NALF1: variants seen among roughly 807,000 people sequenced by gnomAD.
The protein encoded by NALF1 is NALCN channel auxiliary factor 1.
Under a neutral mutation model 48.4 loss-of-function variants are expected in NALF1, and 3 were observed. The observed-to-expected ratio is 0.06, with a 90% CI of 0.03 to 0.16. The LOEUF (loss-of-function observed/expected upper bound fraction) is 0.16. NALF1 is among the 10% of genes least tolerant of loss of function. NALF1 has a pLI of 1.00. For missense variants in NALF1, 526 were observed against 571.5 expected (o/e 0.92, Z 0.81); for synonymous variants, 262 against 245.7 (o/e 1.07, Z -0.62).
chr13:107,203,723 G>A (rs1218408269), intron 2 of NALF1, among the ~76,000 whole-genome samples: 3 of 152,066 alleles, frequency 2.0e-5, no homozygotes, highest in Non-Finnish European at 2.9e-5. Flanking sequence ...CACTTCTCAG[G>A]GCTGATTGAA....
chr13:107,176,549 G>A (rs1878938952), intron 2 of NALF1, among the ~76,000 whole-genome samples: 1 of 151,972 alleles, frequency 6.6e-6, no homozygotes, highest in Non-Finnish European at 1.5e-5. Flanking sequence ...GGCTGAGGCA[G>A]GAGAATGGCG....
chr13:107,783,494 G>A (rs1347230929), intron 1 of NALF1, among the ~76,000 whole-genome samples: 3 of 152,168 alleles, frequency 2.0e-5, no homozygotes, highest in Non-Finnish European at 4.4e-5. Context: ...AGACATGGGA[G>A]ACTTTTCATT....
intron 1 of NALF1, among the ~76,000 whole-genome samples, chr13:107,799,324 A>G (rs1226219867): frequency 6.6e-6 from 1 of 152,224 alleles, no homozygotes; most frequent in Non-Finnish European, 1.5e-5. Flanking sequence ...AGGCTGGCTC[A>G]GCAGAAGATC....
chr13:107,555,836 T>A (rs938661710), intron 1 of NALF1, among the ~76,000 whole-genome samples: 1 of 152,006 alleles, frequency 6.6e-6, no homozygotes, highest in East Asian at 1.9e-4. Context: ...TTAGAAGAAA[T>A]TCTACCACCT....
chr13:107,387,520 A>T (rs993463703), intron 1 of NALF1, among the ~76,000 whole-genome samples: 8 of 152,202 alleles, frequency 5.3e-5, no homozygotes, highest in African/African-American at 1.9e-4. Flanking sequence ...CTGCTAGATT[A>T]AAAAGGAGTT....
chr13:107,664,451 C>A (rs1489443690), intron 1 of NALF1, among the ~76,000 whole-genome samples: 2 of 152,110 alleles, frequency 1.3e-5, no homozygotes, highest in African/African-American at 4.8e-5. Flanking sequence ...AGGTCGTGTC[C>A]CTCTTCTAAG....
At chr13:107,839,741 A>G (rs896519099) in intron 1 of NALF1, among the ~76,000 whole-genome samples, 2 of 152,094 alleles carry the variant, frequency 1.3e-5, no homozygotes, top group Non-Finnish European at 2.9e-5. Flanking sequence ...TTTGACCCAT[A>G]AAACATTTGG....
chr13:107,684,223 G>T (rs1881376126), intron 1 of NALF1, among the ~76,000 whole-genome samples: 1 of 152,168 alleles, frequency 6.6e-6, no homozygotes, highest in Admixed American at 6.5e-5. Context: ...AGGGTGCAGG[G>T]GAGCACCTCG....
chr13:107,835,165 T>C (rs1315265470), intron 1 of NALF1, among the ~76,000 whole-genome samples: 1 of 152,194 alleles, frequency 6.6e-6, no homozygotes. Flanking sequence ...TGTAAGGATA[T>C]AGTGTCTTCA....
intron 1 of NALF1, among the ~76,000 whole-genome samples, chr13:107,540,004 C>T (rs1876953996): frequency 6.7e-6 from 1 of 149,982 alleles, no homozygotes; most frequent in South Asian, 2.2e-4. Context: ...TCATTAAAAA[C>T]AAAACAAGAG....
intron 1 of NALF1, among the ~76,000 whole-genome samples, chr13:107,378,922 C>A (rs1387445752): frequency 1.3e-5 from 2 of 152,016 alleles, no homozygotes; most frequent in Admixed American, 1.3e-4. Flanking sequence ...TATCCTGAAA[C>A]ACAGAACAAT....
At chr13:107,238,528 T>G (rs1880400223) in intron 1 of NALF1, among the ~76,000 whole-genome samples, 1 of 152,134 alleles carries the variant, frequency 6.6e-6, no homozygotes, top group African/African-American at 2.4e-5. Context: ...ACAGTACCCA[T>G]TTAATCGAAG....
At chr13:107,581,175 A>G (rs910699431) in intron 1 of NALF1, among the ~76,000 whole-genome samples, 1 of 152,134 alleles carries the variant, frequency 6.6e-6, no homozygotes, top group South Asian at 2.1e-4. Flanking sequence ...CAAGCTGACC[A>G]CTGTTTCAAG....
At chr13:107,333,454 G>A (rs1292875207) in intron 1 of NALF1, among the ~76,000 whole-genome samples, 1 of 152,222 alleles carries the variant, frequency 6.6e-6, no homozygotes, top group African/African-American at 2.4e-5. Flanking sequence ...GCCCCAGCCA[G>A]CAGGGAGGGC....
intron 2 of NALF1, among the ~76,000 whole-genome samples, chr13:107,209,294 G>A (rs955350223): frequency 6.6e-6 from 1 of 152,138 alleles, no homozygotes; most frequent in Non-Finnish European, 1.5e-5. Flanking sequence ...ATCACTTGAG[G>A]TCAGGAGTTG....
chr13:107,482,505 T>C (rs111653663), intron 1 of NALF1, among the ~76,000 whole-genome samples: 80 of 152,218 alleles, frequency 5.3e-4, no homozygotes, highest in East Asian at 1.5e-3. Flanking sequence ...TTGGTGAGCA[T>C]TGGAATTAAA....
Position 107,170,381 on chromosome 13 carries a change from A to T in NALF1, c.*116T>A. On this transcript the variant is annotated 3_prime_UTR_variant, in exon 3 of 3. Transcript: ENST00000375915. ...GGCCCATCTGTTTAAATTTTACCCT[A>T]AAGGCCTTGCAATAAGTAATTCGAG... is the stretch of plus-strand genomic sequence containing the variant. 1 of 947,278 alleles carries T rather than the reference A, an allele frequency of 1.1e-6. No homozygotes were observed. The allele number at this position is 947,278 out of a possible 1,614,324, so 58.7% of individuals were successfully genotyped here. A position where few individuals can be genotyped will look rare whatever the true frequency, so the allele number is the denominator to read the frequency against.
intron 1 of NALF1, among the ~76,000 whole-genome samples, chr13:107,571,673 A>G (rs1477678882): frequency 6.6e-6 from 1 of 152,208 alleles, no homozygotes; most frequent in Non-Finnish European, 1.5e-5. Flanking sequence ...GTTACAGGTG[A>G]CAACTTCGGA....
intron 1 of NALF1, among the ~76,000 whole-genome samples, chr13:107,539,454 GC>G (rs1360141708): frequency 3.1e-4 from 47 of 149,954 alleles, no homozygotes; most frequent in African/African-American, 1.1e-3. Flanking sequence ...CAACACTGCT[GC>G]ATTTGAGATT....
Sources: allele counts gnomAD v4.1 joint callset (sites outside exome capture counted in the v4.1 genomes callset), GRCh38; gene constraint gnomAD v4.1.1; transcripts MANE v1.5; gene names NCBI Gene and HGNC (gene_info 2026-07-23, HGNC 2026-07-21).